Variants in SPOCK1 observed in about 807,000 individuals in gnomAD.
SPOCK1 encodes SPARC (osteonectin), cwcv and kazal like domains proteoglycan 1, also known as testican-1.
SPOCK1 carries 23 observed loss-of-function variants against 55.3 expected under a neutral mutation model. That is an observed-to-expected ratio of 0.42 (90% confidence interval 0.30 to 0.59). The LOEUF is 0.59. Ranked by LOEUF, SPOCK1 falls within the 20% of genes least tolerant of loss-of-function variation. The pLI is 0.22. For synonymous variants in SPOCK1, 226 were observed against 221.0 expected, an observed-to-expected ratio of 1.02 and a Z score of -0.20; for missense variants, 499 against 552.5, an observed-to-expected ratio of 0.90 and a Z score of 0.97.
chr5:137,319,951 C>CAAAAA (rs55836854), intron 2 of SPOCK1, among the ~76,000 whole-genome samples: 23 of 85,538 alleles, frequency 2.7e-4, no homozygotes, highest in African/African-American at 3.6e-4. Flanking sequence ...GACTCCGTCT[C>CAAAAA]AAAAAAAAAA....
At chr5:137,436,355 T>C (rs1752865004) in intron 2 of SPOCK1, among the ~76,000 whole-genome samples, 1 of 152,160 alleles carries the variant, frequency 6.6e-6, no homozygotes, top group Non-Finnish European at 1.5e-5. Flanking sequence ...TCCCATTTTT[T>C]CCAAATAGTT....
intron 3 of SPOCK1, among the ~76,000 whole-genome samples, chr5:137,214,672 C>G (rs1755681223): frequency 6.6e-6 from 1 of 152,034 alleles, no homozygotes; most frequent in Non-Finnish European, 1.5e-5. Flanking sequence ...CCTCACATAC[C>G]AAGTGCTAGT....
intron 5 of SPOCK1, among the ~76,000 whole-genome samples, chr5:137,104,666 G>A (rs997157729): frequency 3.3e-5 from 5 of 152,092 alleles, no homozygotes; most frequent in Admixed American, 6.5e-5. Flanking sequence ...GAATCCTACT[G>A]TGAACTACAC....
intron 4 of SPOCK1, among the ~76,000 whole-genome samples, chr5:137,120,805 C>T (rs1753670607): frequency 6.6e-6 from 1 of 152,200 alleles, no homozygotes; most frequent in African/African-American, 2.4e-5. Context: ...TGCTGCTGGA[C>T]TCACACCTGC....
intron 2 of SPOCK1, among the ~76,000 whole-genome samples, chr5:137,343,148 C>T (rs1750475029): frequency 6.6e-6 from 1 of 152,232 alleles, no homozygotes; most frequent in Non-Finnish European, 1.5e-5. Context: ...TCAGAGTAAG[C>T]CACAGGGGCC....
chr5:137,127,787 T>A (rs1451528191), intron 4 of SPOCK1, among the ~76,000 whole-genome samples: 1 of 152,206 alleles, frequency 6.6e-6, no homozygotes, highest in Non-Finnish European at 1.5e-5. Context: ...TGGAGAGCAA[T>A]TTGCCTCAGG....
At chr5:137,249,133 A>G (rs1255653354) in intron 3 of SPOCK1, among the ~76,000 whole-genome samples, 1 of 152,214 alleles carries the variant, frequency 6.6e-6, no homozygotes, top group Non-Finnish European at 1.5e-5. Context: ...CCCATCAGCA[A>G]TGCTATTCTT....
intron 2 of SPOCK1, among the ~76,000 whole-genome samples, chr5:137,375,447 A>G (rs1751292506): frequency 6.6e-6 from 1 of 152,236 alleles, no homozygotes; most frequent in Non-Finnish European, 1.5e-5. Flanking sequence ...AGGGCACTAG[A>G]GGGCCTTTGG....
At chr5:137,095,638 A>G (rs1442969604) in intron 5 of SPOCK1, among the ~76,000 whole-genome samples, 2 of 152,228 alleles carry the variant, frequency 1.3e-5, no homozygotes, top group African/African-American at 4.8e-5. Context: ...CACACTGCAC[A>G]CAGGCCCACC....
At chr5:137,485,041 G>A (rs1754027513) in intron 2 of SPOCK1, among the ~76,000 whole-genome samples, 2 of 152,158 alleles carry the variant, frequency 1.3e-5, no homozygotes, top group Admixed American at 1.3e-4. Context: ...GAGGCAAATA[G>A]ATCCTTCCCA....
intron 2 of SPOCK1, among the ~76,000 whole-genome samples, chr5:137,367,596 T>C (rs2127169148): frequency 6.6e-6 from 1 of 152,350 alleles, no homozygotes; most frequent in East Asian, 1.9e-4. Flanking sequence ...CCAACACACA[T>C]GATCTATATT....
In SPOCK1 at chr5:137,097,389, C is replaced by G. The variant is rs193138506; in HGVS notation, c.474+15046G>C. On this transcript the variant is annotated intron_variant, in intron 5 of 10. Coordinates refer to ENST00000394945, the MANE Select transcript of SPOCK1 (RefSeq NM_004598.4). ...CTGCTCGCTTAGTCTTCCAACATAA[C>G]CCTGTCTCAGAGAGATGTGAGCCGT... Among the ~76,000 whole-genome samples, 183 of 152,330 alleles carry G rather than the reference C, an allele frequency of 1.2e-3. 4 individuals carry two copies. The Middle Eastern group carries it at 0.024, about 20-fold the overall frequency.
intron 2 of SPOCK1, among the ~76,000 whole-genome samples, chr5:137,308,881 A>C (rs1372976609): frequency 6.6e-6 from 1 of 152,194 alleles, no homozygotes; most frequent in East Asian, 1.9e-4. Context: ...GGTGAAGAGA[A>C]CCAGAAGACA....
chr5:137,138,677 C>A (rs1754036066), intron 4 of SPOCK1, among the ~76,000 whole-genome samples: 1 of 149,710 alleles, frequency 6.7e-6, no homozygotes, highest in Non-Finnish European at 1.5e-5. Flanking sequence ...ATAATATATA[C>A]CTTAAAAGGA....
At chr5:137,352,430 T>C (rs1008173502) in intron 2 of SPOCK1, among the ~76,000 whole-genome samples, 2 of 152,258 alleles carry the variant, frequency 1.3e-5, no homozygotes, top group African/African-American at 2.4e-5. Context: ...CGGTGACTGC[T>C]GAGGATGCCG....
At chr5:137,149,827 T>G (rs573376533) in intron 3 of SPOCK1, among the ~76,000 whole-genome samples, 1 of 152,304 alleles carries the variant, frequency 6.6e-6, no homozygotes, top group African/African-American at 2.4e-5. Flanking sequence ...CGGAGAGATG[T>G]AAGTTTGAGA....
At chr5:137,318,347 G>A (rs142876003) in intron 2 of SPOCK1, among the ~76,000 whole-genome samples, 1 of 152,270 alleles carries the variant, frequency 6.6e-6, no homozygotes, top group Non-Finnish European at 1.5e-5. Flanking sequence ...GACTACCTGA[G>A]AAGAAAGAAA....
At chr5:137,465,142 G>A (rs1417724733) in intron 2 of SPOCK1, among the ~76,000 whole-genome samples, 1 of 152,100 alleles carries the variant, frequency 6.6e-6, no homozygotes, top group Non-Finnish European at 1.5e-5. Flanking sequence ...ATCAATTTTG[G>A]TTATATTCAT....
At chr5:136,985,724 C>G (rs7722698) in intron 8 of SPOCK1, among the ~76,000 whole-genome samples, 26,641 of 152,140 alleles carry the variant, frequency 0.18, 3,044 homozygotes, top group African/African-American at 0.31. Flanking sequence ...TGGAGAAGCA[C>G]TGATGAGACT....
Sources: gnomAD v4.1 joint callset for allele counts (sites outside exome capture counted in the v4.1 genomes callset) on GRCh38, gnomAD v4.1.1 for gene constraint, MANE v1.5 for transcripts, NCBI Gene and HGNC (gene_info 2026-07-23, HGNC 2026-07-21) for gene names.